The following SCAF11 variants were observed in gnomAD, a reference collection of about 807,000 sequenced individuals.
The protein encoded by SCAF11 is SR-related CTD associated factor 11.
Under a neutral mutation model 140.5 loss-of-function variants are expected in SCAF11, and 47 were observed. The observed-to-expected ratio is 0.33, with a 90% CI of 0.26 to 0.43. The LOEUF (loss-of-function observed/expected upper bound fraction) is 0.43. SCAF11 is among the 20% of genes least tolerant of loss of function. The probability of loss-of-function intolerance (pLI) is 1.00; values close to 1 mark genes in which losing one functional copy is unlikely to be tolerated. For synonymous variants in SCAF11, 557 were observed against 579.4 expected (o/e 0.96, Z 0.55); for missense variants, 1,645 against 1,705.1 (o/e 0.96, Z 0.62).
chr12:45,934,028 T>A (rs532380500), intron 8 of SCAF11, 148 bp downstream of exon 8: 3 of 526,390 alleles, frequency 5.7e-6, no homozygotes, highest in East Asian at 6.2e-5. Context: ...CTAGTTTACC[T>A]TCCCCCCCGC....
intron 3 of SCAF11, chr12:45,955,975 G>C (rs1196447902): frequency 3.1e-6 from 2 of 638,660 alleles, no homozygotes; most frequent in East Asian, 5.5e-5. Flanking sequence ...CAGTTAAGAA[G>C]GCAATTTTGA....
Position 45,948,505 on chromosome 12 carries a change from T to C in SCAF11, c.330A>G (p.Lys110=). Residue 110 remains lysine, a synonymous_variant, in exon 5 of 15, where the codon AAA becomes AAG. Coordinates refer to ENST00000369367, the MANE Select transcript of SCAF11 (RefSeq NM_004719.3). ...CAAATGAGTTTTCATTTTTCTTGTC[T>C]TTTGTTTCTCTCAGCTGTTTTTTTA... The part of the protein sequence containing the change: ...VQVKKQLRET[K]DKKNENSFEK... 6.2e-7 allele frequency: 1 copy of C among 1,611,642 alleles called. No individual in the cohort carries two copies.
intron 6 of SCAF11, among the ~76,000 whole-genome samples, chr12:45,936,197 A>G (rs1945169833): frequency 6.6e-6 from 1 of 150,660 alleles, no homozygotes; most frequent in Non-Finnish European, 1.5e-5. Flanking sequence ...GCTGGAGTGC[A>G]GTGCCACAAT....
At chr12:45,932,771 T>C (rs954498357) in intron 9 of SCAF11, among the ~76,000 whole-genome samples, 1 of 152,048 alleles carries the variant, frequency 6.6e-6, no homozygotes, top group African/African-American at 2.4e-5. Context: ...AGGAGAGGAA[T>C]ATGGTAAAAG....
rs1944961320 is a variant in SCAF11, at chr12:45,928,639, T to G, written c.1062A>C (p.Pro354=). 1 of 1,614,008 alleles carries G rather than the reference T, an allele frequency of 6.2e-7. No homozygotes were observed. Among genetic ancestry groups the G allele is most frequent in the South Asian group, 1.1e-5 (1 of 91,080 alleles). The change falls in exon 11 of 15, where the codon CCA becomes CCC. Residue 354 remains proline (P), a synonymous_variant. Coordinates refer to ENST00000369367, the MANE Select transcript of SCAF11 (RefSeq NM_004719.3). ...SGCDAPGNSN[P]SLSVPSSAES... ...CAGCTGAAGAGGGAACACTTAAAGA[T>G]GGATTACTGTTACCTGGGGCATCAC... is the stretch of plus-strand genomic sequence containing the variant.
At chr12:45,922,732 A>G in intron 13 of SCAF11, 150 bp from the exon 14 acceptor site, 1 of 913,614 alleles carries the variant, frequency 1.1e-6, no homozygotes, top group Non-Finnish European at 1.6e-6. Context: ...TTACTAAAAC[A>G]TATCAAACAT....
chr12:45,979,856 C>T (rs970191443), intron 1 of SCAF11, among the ~76,000 whole-genome samples: 6 of 151,408 alleles, frequency 4.0e-5, no homozygotes, highest in African/African-American at 1.2e-4. Context: ...ACCCAGATAC[C>T]GATTGTATTA....
Position 45,990,506 on chromosome 12 carries a change from C to T in SCAF11, c.-175G>A. The T allele has an allele frequency of 8.1e-7, 1 of 1,229,372 alleles. No homozygotes were observed. Among genetic ancestry groups the T allele is most frequent in the South Asian group, 4.1e-5 (1 of 24,218 alleles). The allele number at this position is 1,229,372 out of a possible 1,614,324, so 76.2% of individuals were successfully genotyped here. A position where few individuals can be genotyped will look rare whatever the true frequency, so the allele number is the denominator to read the frequency against. On this transcript the variant is annotated 5_prime_UTR_variant, in exon 1 of 15. Coordinates refer to ENST00000369367, the MANE Select transcript of SCAF11 (RefSeq NM_004719.3). ...GGACACTGACTCCGCTGGCTCGGTC[C>T]GGAGGCGGCGGCGAAGCAGGGAGCG... is the stretch of plus-strand genomic sequence containing the variant.
chr12:45,949,800 T>C (rs556049131), intron 4 of SCAF11, among the ~76,000 whole-genome samples: 1 of 152,228 alleles, frequency 6.6e-6, no homozygotes, highest in South Asian at 2.1e-4. Flanking sequence ...TAAATACAGG[T>C]CTGGCTCTCA....
intron 8 of SCAF11, 42 bp downstream of exon 8, chr12:45,934,134 A>G (rs1945117510): frequency 9.9e-7 from 1 of 1,010,422 alleles, no homozygotes; most frequent in African/African-American, 1.7e-5. Context: ...ATTATTAAAC[A>G]TCAAGTATAA....
rs569976172 is a variant in SCAF11 at position 45,951,813 on chromosome 12, AT to A, written c.220-87del. On this transcript the variant is annotated intron_variant, in intron 3 of 14. Coordinates refer to ENST00000369367, the MANE Select transcript of SCAF11 (RefSeq NM_004719.3). ...ACAATTATAAATTTTCCATAAAATT[AT>A]TTTTATCTCTATCTTCGAAAGAAAA... 1.7e-3 allele frequency: 1,523 copies of A among 873,534 alleles called. 5 individuals carry two copies. Among genetic ancestry groups the A allele is most frequent in the Non-Finnish European group, 1.6e-3 (933 of 573,470 alleles). The allele number at this position is 873,534 out of a possible 1,614,324, so 54.1% of individuals were successfully genotyped here.
chr12:45,960,382 C>G (rs1945797380), intron 3 of SCAF11: 1 of 152,028 alleles, frequency 6.6e-6, no homozygotes, highest in African/African-American at 2.4e-5. Context: ...TCCACCCATC[C>G]AACAATATTA....
upstream of SCAF11, among the ~76,000 whole-genome samples, chr12:45,990,788 A>T (rs1207048836): frequency 6.6e-6 from 1 of 152,212 alleles, no homozygotes; most frequent in East Asian, 1.9e-4. Context: ...TTTGAGACCG[A>T]GAAGCGTGGT....
intron 9 of SCAF11, among the ~76,000 whole-genome samples, chr12:45,932,039 GCATA>G (rs1201948409): frequency 6.6e-6 from 1 of 151,512 alleles, no homozygotes; most frequent in Non-Finnish European, 1.5e-5. Context: ...CAAAGTGTGT[GCATA>G]TATATATATA....
chr12:45,950,049 ATACT>A (rs980330474), intron 4 of SCAF11, among the ~76,000 whole-genome samples: 4 of 152,150 alleles, frequency 2.6e-5, no homozygotes, highest in African/African-American at 9.7e-5. Context: ...ACATACATAC[ATACT>A]TACATACATA....
chr12:45,977,496 G>A (rs571955519), intron 1 of SCAF11, among the ~76,000 whole-genome samples: 2 of 151,880 alleles, frequency 1.3e-5, no homozygotes, highest in Non-Finnish European at 1.5e-5. Context: ...TGACTGTAGT[G>A]GTAATACAGA....
intron 11 of SCAF11, 42 bp downstream of exon 11, chr12:45,926,100 T>C: frequency 1.3e-6 from 2 of 1,514,248 alleles, no homozygotes; most frequent in South Asian, 2.7e-5. Context: ...TTTATAATTC[T>C]TCAAATAAAA....
chr12:45,961,670 A>G, intron 3 of SCAF11, 30 bp downstream of exon 3: 2 of 1,559,318 alleles, frequency 1.3e-6, no homozygotes, highest in Non-Finnish European at 1.7e-6. Flanking sequence ...CATGCTAGGA[A>G]ATTAAAATAC....
intron 1 of SCAF11, among the ~76,000 whole-genome samples, chr12:45,973,397 AAAG>A (rs556991584): frequency 5.7e-4 from 87 of 152,138 alleles, no homozygotes; most frequent in Middle Eastern, 3.4e-3. Context: ...AAGAAAGTAG[AAAG>A]AAGAAGAAAA....
Sources: gnomAD v4.1 joint callset for allele counts (sites outside exome capture counted in the v4.1 genomes callset) on GRCh38, gnomAD v4.1.1 for gene constraint, MANE v1.5 for transcripts, NCBI Gene and HGNC (gene_info 2026-07-23, HGNC 2026-07-21) for gene names.